CSMD1: variants seen among roughly 807,000 people sequenced by gnomAD.
The protein encoded by CSMD1 is CUB and sushi domain-containing protein 1.
A neutral mutation model predicts 417.5 loss-of-function variants in CSMD1; 213 were observed. The ratio of observed to expected loss-of-function variants is 0.51; its 90% confidence interval spans 0.46 to 0.57. The LOEUF is 0.57. CSMD1 is among the 20% of genes least tolerant of loss of function. The probability of loss-of-function intolerance (pLI) is 0.00; values close to 1 mark genes in which losing one functional copy is unlikely to be tolerated. For synonymous variants in CSMD1, 2,862 were observed against 1,736.8 expected (o/e 1.65, Z -16.11); for missense variants, 6,923 against 4,529.7 (o/e 1.53, Z -15.17).
intron 27 of CSMD1, among the ~76,000 whole-genome samples, chr8:3,227,919 C>A (rs1798611687): frequency 1.3e-5 from 2 of 151,924 alleles, no homozygotes. Context: ...AGGCATGCAC[C>A]ACCACCCCTG....
intron 1 of CSMD1, among the ~76,000 whole-genome samples, chr8:4,674,659 C>T (rs1191391579): frequency 6.6e-6 from 1 of 152,014 alleles, no homozygotes; most frequent in Admixed American, 6.6e-5. Context: ...CAAAACAGAA[C>T]AACAATAACA....
intron 3 of CSMD1, among the ~76,000 whole-genome samples, chr8:4,091,478 T>C (rs1189656819): frequency 1.3e-5 from 2 of 152,218 alleles, no homozygotes; most frequent in Non-Finnish European, 2.9e-5. Context: ...AGAGGGATTT[T>C]TAAAAGTATT....
chr8:4,339,402 C>T (rs1265884143), intron 3 of CSMD1, among the ~76,000 whole-genome samples: 1 of 152,068 alleles, frequency 6.6e-6, no homozygotes, highest in Non-Finnish European at 1.5e-5. Flanking sequence ...GTGCTAATCT[C>T]AGTCCAGGCT....
chr8:4,097,378 C>T (rs1009519584), intron 3 of CSMD1, among the ~76,000 whole-genome samples: 8 of 152,160 alleles, frequency 5.3e-5, no homozygotes, highest in Non-Finnish European at 8.8e-5. Context: ...TTACCACACA[C>T]GGGTGTTATA....
At chr8:4,365,455 TTGTC>T (rs1395205824) in intron 3 of CSMD1, among the ~76,000 whole-genome samples, 1 of 152,208 alleles carries the variant, frequency 6.6e-6, no homozygotes, top group African/African-American at 2.4e-5. Flanking sequence ...TCTTTTTAGA[TTGTC>T]TGTTCTTTTT....
At chr8:4,905,607 C>T (rs1344860181) in intron 1 of CSMD1, among the ~76,000 whole-genome samples, 1 of 151,792 alleles carries the variant, frequency 6.6e-6, no homozygotes, top group Non-Finnish European at 1.5e-5. Context: ...ATCACGAGGT[C>T]ATGAGATCGA....
intron 7 of CSMD1, among the ~76,000 whole-genome samples, chr8:3,624,575 T>G (rs1236035134): frequency 3.3e-5 from 5 of 152,184 alleles, no homozygotes; most frequent in African/African-American, 1.2e-4. Context: ...TGTAACCATT[T>G]AAGCCTTCAG....
intron 1 of CSMD1, among the ~76,000 whole-genome samples, chr8:4,744,849 T>C (rs919153076): frequency 6.6e-6 from 1 of 152,162 alleles, no homozygotes; most frequent in African/African-American, 2.4e-5. Context: ...TTTTCTAATT[T>C]AGTAGTCTCA....
intron 54 of CSMD1, among the ~76,000 whole-genome samples, chr8:2,983,960 T>C (rs1172336548): frequency 6.6e-6 from 1 of 152,232 alleles, no homozygotes; most frequent in African/African-American, 2.4e-5. Context: ...TAAAAATTAA[T>C]ATTAAGCAAA....
intron 3 of CSMD1, among the ~76,000 whole-genome samples, chr8:4,163,912 T>G (rs1187069352): frequency 1.3e-5 from 2 of 152,158 alleles, no homozygotes; most frequent in Admixed American, 1.3e-4. Context: ...TGGTTACTCG[T>G]TAGGTGACTT....
chr8:4,632,444 G>A (rs2130846178), intron 2 of CSMD1, among the ~76,000 whole-genome samples: 1 of 152,232 alleles, frequency 6.6e-6, no homozygotes, highest in South Asian at 2.1e-4. Flanking sequence ...CCGGAGAGGA[G>A]GAGATTGCAG....
At chr8:4,877,685 T>A (rs1803134898) in intron 1 of CSMD1, among the ~76,000 whole-genome samples, 1 of 152,068 alleles carries the variant, frequency 6.6e-6, no homozygotes, top group South Asian at 2.1e-4. Flanking sequence ...ATCTCCCCTA[T>A]TCCATCTGGA....
intron 2 of CSMD1, among the ~76,000 whole-genome samples, chr8:4,601,465 T>C (rs977597518): frequency 2.0e-5 from 3 of 152,138 alleles, no homozygotes; most frequent in Non-Finnish European, 4.4e-5. Context: ...TCCTGAATGT[T>C]AAGTTGGTAG....
chr8:3,597,316 C>T (rs1267274081), intron 8 of CSMD1, among the ~76,000 whole-genome samples: 1 of 152,102 alleles, frequency 6.6e-6, no homozygotes, highest in Non-Finnish European at 1.5e-5. Flanking sequence ...AGCTTCCCAG[C>T]ACGTTTGGCA....
intron 3 of CSMD1, among the ~76,000 whole-genome samples, chr8:4,236,732 A>G (rs1357428944): frequency 6.6e-6 from 1 of 152,192 alleles, no homozygotes; most frequent in Non-Finnish European, 1.5e-5. Flanking sequence ...TGTGCCTTCG[A>G]AGACTGCTGG....
chr8:4,191,587 C>T (rs534656369), intron 3 of CSMD1, among the ~76,000 whole-genome samples: 79 of 152,182 alleles, frequency 5.2e-4, no homozygotes, highest in African/African-American at 1.9e-3. Flanking sequence ...AATCACTGTT[C>T]TTCAGCTGTT....
chr8:2,959,150 G>C (rs1349939069), intron 62 of CSMD1, among the ~76,000 whole-genome samples: 3 of 152,194 alleles, frequency 2.0e-5, no homozygotes, highest in African/African-American at 4.8e-5. Flanking sequence ...ATTGCCCAGA[G>C]TATACAGCAC....
chr8:3,516,881 T>C (rs570489558), intron 10 of CSMD1, among the ~76,000 whole-genome samples: 1 of 152,190 alleles, frequency 6.6e-6, no homozygotes, highest in African/African-American at 2.4e-5. Flanking sequence ...CACACATGTT[T>C]ATAGCAGCAC....
intron 3 of CSMD1, among the ~76,000 whole-genome samples, chr8:4,156,733 G>C (rs1281230476): frequency 2.0e-5 from 3 of 152,174 alleles, no homozygotes; most frequent in Non-Finnish European, 4.4e-5. Flanking sequence ...AGTGGGGCCA[G>C]TGACAGCTTC....
Sources: gnomAD v4.1 joint callset for allele counts (sites outside exome capture counted in the v4.1 genomes callset) on GRCh38, gnomAD v4.1.1 for gene constraint, MANE v1.5 for transcripts, NCBI Gene and HGNC (gene_info 2026-07-23, HGNC 2026-07-21) for gene names.